Variants in ADAMTSL1 observed in about 807,000 individuals in gnomAD.
The protein encoded by ADAMTSL1 is ADAMTS-like protein 1.
In ADAMTSL1, 126 loss-of-function variants were observed where a neutral mutation model predicts 201.8. The observed-to-expected ratio is 0.62, with a 90% CI of 0.54 to 0.72. The LOEUF (loss-of-function observed/expected upper bound fraction) is 0.72, where lower values mean the gene tolerates loss of function less well. ADAMTSL1 is among the 30% of genes least tolerant of loss of function. The pLI, the probability that ADAMTSL1 is intolerant of heterozygous loss-of-function variation, is 0.00. For synonymous variants in ADAMTSL1, 1,121 were observed against 903.4 expected, an observed-to-expected ratio of 1.24 and a Z score of -4.32; for missense variants, 2,679 against 2,277.8, an observed-to-expected ratio of 1.18 and a Z score of -3.59.
chr9:18,603,615 T>C (rs538602406), intron 4 of ADAMTSL1, among the ~76,000 whole-genome samples: 2 of 152,316 alleles, frequency 1.3e-5, no homozygotes, highest in East Asian at 1.9e-4. Flanking sequence ...TTTACTTTTA[T>C]TTGTTTCTAT....
rs1037697346 is a variant in ADAMTSL1, at chr9:18,200,155, T to C, written c.207+36174T>C. Among the ~76,000 whole-genome samples, 3 of 151,956 alleles carry C rather than the reference T, an allele frequency of 2.0e-5. No homozygotes were observed. In the East Asian group the frequency reaches 5.8e-4, roughly 29 times the overall value. ...GAATACTTAAAAAAATGAATTTGGC[T>C]AGGCACAGTGGTTCAGACCTGTAAT... On this transcript the variant is annotated intron_variant, in intron 2 of 29. Transcript: ENST00000680146.
chr9:18,695,267 T>A (rs369923721), intron 13 of ADAMTSL1, among the ~76,000 whole-genome samples: 23 of 152,294 alleles, frequency 1.5e-4, no homozygotes, highest in East Asian at 5.8e-4. Context: ...GCTGTGAAGG[T>A]CTCTGAAATG....
chr9:18,858,480 G>A (rs954319907), intron 23 of ADAMTSL1, among the ~76,000 whole-genome samples: 1 of 152,158 alleles, frequency 6.6e-6, no homozygotes, highest in African/African-American at 2.4e-5. Context: ...TTGCCTAATG[G>A]GTTTCGACTG....
intron 1 of ADAMTSL1, among the ~76,000 whole-genome samples, chr9:18,148,148 C>A (rs892900461): frequency 6.6e-6 from 1 of 151,826 alleles, no homozygotes; most frequent in African/African-American, 2.4e-5. Context: ...ACAACAAAAA[C>A]CTGACAAACT....
At chr9:18,627,926 A>AT (rs1299390945) in intron 5 of ADAMTSL1, among the ~76,000 whole-genome samples, 2 of 152,124 alleles carry the variant, frequency 1.3e-5, no homozygotes, top group Non-Finnish European at 2.9e-5. Context: ...TCTGTTGCTC[A>AT]TTTTTAAAAA....
intron 1 of ADAMTSL1, among the ~76,000 whole-genome samples, chr9:18,081,101 A>G (rs567058373): frequency 6.6e-6 from 1 of 152,188 alleles, no homozygotes; most frequent in South Asian, 2.1e-4. Flanking sequence ...AGAAAACAAC[A>G]TTGCTCAGCT....
At chr9:18,236,527 G>A (rs78101135) in intron 2 of ADAMTSL1, among the ~76,000 whole-genome samples, 141 of 152,300 alleles carry the variant, frequency 9.3e-4, no homozygotes, top group African/African-American at 3.2e-3. Context: ...ACATAAACCT[G>A]CTTCCCTTTC....
chr9:17,927,991 CTTTCTTTTTT>C (rs1826621424), intron 1 of ADAMTSL1, among the ~76,000 whole-genome samples: 1 of 145,726 alleles, frequency 6.9e-6, no homozygotes, highest in Middle Eastern at 3.4e-3. Context: ...TCTTTTCTTT[CTTTCTTTTTT>C]TTTTTTTTTT....
chr9:18,289,277 G>A (rs1467984521), intron 2 of ADAMTSL1, among the ~76,000 whole-genome samples: 1 of 152,028 alleles, frequency 6.6e-6, no homozygotes, highest in Admixed American at 6.6e-5. Flanking sequence ...TCTGCACTTG[G>A]CAAGTTGGAT....
intron 2 of ADAMTSL1, among the ~76,000 whole-genome samples, chr9:18,164,593 C>T (rs1186524679): frequency 6.6e-6 from 1 of 151,708 alleles, no homozygotes; most frequent in East Asian, 2.0e-4. Flanking sequence ...GAGAATTGGA[C>T]AGACAACTTG....
At chr9:18,664,632 A>G (rs1363115732) in intron 9 of ADAMTSL1, among the ~76,000 whole-genome samples, 3 of 152,102 alleles carry the variant, frequency 2.0e-5, no homozygotes, top group Non-Finnish European at 4.4e-5. Flanking sequence ...CCTTGTAGTA[A>G]GAAAAGAGAA....
chr9:17,924,648 C>T (rs1169679983), intron 1 of ADAMTSL1, among the ~76,000 whole-genome samples: 2 of 148,820 alleles, frequency 1.3e-5, no homozygotes, highest in Non-Finnish European at 3.0e-5. Flanking sequence ...ACTGGCTAGC[C>T]ATATGTAGGA....
chr9:17,949,512 A>T (rs1827644095), intron 1 of ADAMTSL1, among the ~76,000 whole-genome samples: 1 of 152,142 alleles, frequency 6.6e-6, no homozygotes, highest in South Asian at 2.1e-4. Flanking sequence ...GGCTGATTGG[A>T]GTTTTTGCTT....
At chr9:18,096,416 A>C (rs1024226316) in intron 1 of ADAMTSL1, among the ~76,000 whole-genome samples, 1 of 152,180 alleles carries the variant, frequency 6.6e-6, no homozygotes, top group Non-Finnish European at 1.5e-5. Flanking sequence ...TTCTGCAGCA[A>C]TGGAAATGTT....
chr9:18,391,910 T>C (rs1159802393), intron 2 of ADAMTSL1, among the ~76,000 whole-genome samples: 2 of 147,846 alleles, frequency 1.4e-5, no homozygotes, highest in South Asian at 2.2e-4. Context: ...CTGCAAGCTC[T>C]GCCTCCTGGG....
intron 3 of ADAMTSL1, among the ~76,000 whole-genome samples, chr9:18,572,826 A>G (rs1338479918): frequency 6.6e-6 from 1 of 152,202 alleles, no homozygotes; most frequent in African/African-American, 2.4e-5. Flanking sequence ...GTAACAGGGA[A>G]CTGCTGAAGG....
intron 2 of ADAMTSL1, among the ~76,000 whole-genome samples, chr9:18,283,505 C>G (rs1423481063): frequency 6.8e-6 from 1 of 148,002 alleles, no homozygotes; most frequent in Non-Finnish European, 1.5e-5. Flanking sequence ...ACTTGGGAGG[C>G]TGTGGCAGGA....
chr9:18,457,980 T>C (rs1820670954), intron 2 of ADAMTSL1, among the ~76,000 whole-genome samples: 1 of 152,180 alleles, frequency 6.6e-6, no homozygotes, highest in Non-Finnish European at 1.5e-5. Context: ...TCAAATCCAT[T>C]AGATGGAAGA....
intron 11 of ADAMTSL1, 32 bp from the exon 12 acceptor site, chr9:18,681,780 C>T (rs371116231): frequency 3.8e-5 from 58 of 1,518,968 alleles, no homozygotes; most frequent in Non-Finnish European, 4.8e-5. Flanking sequence ...GCTTTGCCTA[C>T]GAGTCTCCTC....
Sources: gnomAD v4.1 joint callset for allele counts (sites outside exome capture counted in the v4.1 genomes callset) on GRCh38, gnomAD v4.1.1 for gene constraint, MANE v1.5 for transcripts, NCBI Gene and HGNC (gene_info 2026-07-23, HGNC 2026-07-21) for gene names.